TADA2A: variants seen among roughly 807,000 people sequenced by gnomAD.
TADA2A encodes the protein transcriptional adapter 2-alpha.
TADA2A carries 38 observed loss-of-function variants against 67.4 expected under a neutral mutation model. That is an observed-to-expected ratio of 0.56 (90% CI 0.44 to 0.74). TADA2A has a LOEUF of 0.74. TADA2A is among the 30% of genes least tolerant of loss of function. The probability of loss-of-function intolerance (pLI) is 0.00; values close to 1 mark genes in which losing one functional copy is unlikely to be tolerated. For synonymous variants in TADA2A, 192 were observed against 181.6 expected (o/e 1.06, Z -0.46); for missense variants, 454 against 547.0 (o/e 0.83, Z 1.70).
At chr17:37,455,173 A>G (rs950119035) in intron 8 of TADA2A, among the ~76,000 whole-genome samples, 2 of 152,160 alleles carry the variant, frequency 1.3e-5, no homozygotes, top group African/African-American at 4.8e-5. Context: ...GCAATCATTC[A>G]ATCTCAAGGT....
At chr17:37,417,217 T>C (rs7215429) in intron 2 of TADA2A, among the ~76,000 whole-genome samples, 6 of 151,480 alleles carry the variant, frequency 4.0e-5, no homozygotes, top group African/African-American at 1.2e-4. Flanking sequence ...CCGCCTCTAC[T>C]GAAAATACAA....
At chr17:37,473,527 G>A (rs2053834962) in intron 14 of TADA2A, among the ~76,000 whole-genome samples, 2 of 152,134 alleles carry the variant, frequency 1.3e-5, no homozygotes, top group Admixed American at 6.5e-5. Context: ...TTCCACCAGT[G>A]GAGCTTGTAA....
chr17:37,454,310 T>C (rs1481793181), intron 8 of TADA2A: 1 of 150,886 alleles, frequency 6.6e-6, no homozygotes, highest in Non-Finnish European at 1.5e-5. Flanking sequence ...TTTTTTTTTT[T>C]TTTTTTTTGG....
chr17:37,447,097 CAACAT>C (rs1232593361), intron 8 of TADA2A, among the ~76,000 whole-genome samples: 6 of 152,174 alleles, frequency 3.9e-5, no homozygotes, highest in Non-Finnish European at 8.8e-5. Context: ...AGCTTTAACA[CAACAT>C]AAATAATAAT....
At chr17:37,425,942 A>G (rs147902190) in intron 3 of TADA2A, among the ~76,000 whole-genome samples, 25 of 150,422 alleles carry the variant, frequency 1.7e-4, no homozygotes, top group South Asian at 4.2e-4. Context: ...CTCCAGGCCT[A>G]CTTCAGGGAC....
chr17:37,439,186 C>T (rs750038060), intron 5 of TADA2A, among the ~76,000 whole-genome samples: 19 of 152,056 alleles, frequency 1.2e-4, no homozygotes, highest in Non-Finnish European at 2.2e-4. Context: ...ACTATAACCC[C>T]GAACTCCTGG....
Position 37,465,503 on chromosome 17 carries a change from G to C in TADA2A, c.785G>C (p.Gly262Ala). 1 of 1,614,074 alleles carries C rather than the reference G, an allele frequency of 6.2e-7. No individual in the cohort carries two copies. The change falls in exon 11 of 16, where the codon GGG becomes GCG. Residue 262 changes from glycine to alanine, a missense_variant. By Grantham distance (60) the Gly-to-Ala change is moderately conservative. Around this residue, in one of 2 missense-constraint regions of TADA2A, gnomAD observed 403 missense variants for 455.5 expected, o/e 0.88. Coordinates refer to ENST00000615182, the MANE Select transcript of TADA2A (RefSeq NM_001166105.3). ...ETMRRFARIVGPVEHDKFIES... is the reference protein window; with the variant it reads ...ETMRRFARIVAPVEHDKFIES... ...ATGAGGCGATTTGCAAGAATTGTGG[G>C]GCCAGTGGAACATGACAAATTCATT...
chr17:37,449,535 G>A (rs1311759459), intron 8 of TADA2A, among the ~76,000 whole-genome samples: 1 of 152,014 alleles, frequency 6.6e-6, no homozygotes, highest in Non-Finnish European at 1.5e-5. Flanking sequence ...ACTTGCCTGA[G>A]ATCATACAGC....
intron 8 of TADA2A, among the ~76,000 whole-genome samples, chr17:37,457,889 A>C (rs2053438482): frequency 6.6e-6 from 1 of 152,162 alleles, no homozygotes; most frequent in South Asian, 2.1e-4. Flanking sequence ...GTTACATAAC[A>C]ATGTCCAAAA....
chr17:37,418,907 T>G (rs1398211528), intron 2 of TADA2A, among the ~76,000 whole-genome samples: 1 of 119,354 alleles, frequency 8.4e-6, no homozygotes, highest in Non-Finnish European at 2.0e-5. Flanking sequence ...TTTTTATTAT[T>G]TTTGGTAGAA....
rs556345943 is a variant in TADA2A, at chr17:37,473,469, T to C, written c.1073-1087T>C. 3.9e-5 allele frequency among the ~76,000 whole-genome samples: 6 copies of C among 152,340 alleles called. No homozygotes were observed. The South Asian group carries it at 1.0e-3, about 26-fold the overall frequency. On this transcript the variant is annotated intron_variant, in intron 14 of 15. Coordinates refer to ENST00000615182, the MANE Select transcript of TADA2A (RefSeq NM_001166105.3). ...TGGTTTTATCTCCCTTTTTGAGGAT[T>C]TGGAATAATCCCTTATGCCTTTTGT...
chr17:37,426,946 G>T lies in TADA2A; in HGVS notation c.133-4G>T. On this transcript the variant is annotated splice_region_variant and splice_polypyrimidine_tract_variant and intron_variant, in intron 3 of 15. Coordinates refer to ENST00000615182, the MANE Select transcript of TADA2A (RefSeq NM_001166105.3). Reference sequence around the variant, plus strand: ...TTGCTAATTTAATTTTTCTTTCTTTGCAGTGTTTCACTCGAGGCTTTGAGT... The same window carrying T: ...TTGCTAATTTAATTTTTCTTTCTTTTCAGTGTTTCACTCGAGGCTTTGAGT... 1 of 1,594,500 alleles carries T rather than the reference G, an allele frequency of 6.3e-7. No individual in the cohort carries two copies. Among genetic ancestry groups the T allele is most frequent in the African/African-American group, 1.4e-5 (1 of 73,886 alleles).
chr17:37,467,534 G>A lies in TADA2A; in HGVS notation c.895+9G>A, dbSNP rs368687741. The A allele has an allele frequency of 2.0e-5, 32 of 1,609,010 alleles. No individual in the cohort carries two copies. The African/African-American group carries it at 4.3e-4, about 21-fold the overall frequency. On this transcript the variant is annotated intron_variant, in intron 12 of 15. Transcript: ENST00000615182. ...CATTACCAATTTTTGTAGTAAGTATGCTTCAGCTACATACCGTACTTGAGG... is the reference window on the plus strand; with the variant it reads ...CATTACCAATTTTTGTAGTAAGTATACTTCAGCTACATACCGTACTTGAGG...
At chr17:37,467,096 T>C (rs971827119) in intron 11 of TADA2A, among the ~76,000 whole-genome samples, 2 of 151,950 alleles carry the variant, frequency 1.3e-5, no homozygotes, top group Non-Finnish European at 2.9e-5. Context: ...AGGTGGAGGT[T>C]GCAGTGAGCC....
At chr17:37,411,572 A>G (rs1329795154) in intron 2 of TADA2A, among the ~76,000 whole-genome samples, 182 bp downstream of exon 2, 3 of 151,984 alleles carry the variant, frequency 2.0e-5, no homozygotes, top group African/African-American at 7.3e-5. Flanking sequence ...ACAGGCGCGC[A>G]CCACCACACA....
At chr17:37,466,494 TTCA>T (rs1344035481) in intron 11 of TADA2A, among the ~76,000 whole-genome samples, 2 of 152,216 alleles carry the variant, frequency 1.3e-5, no homozygotes, top group Non-Finnish European at 2.9e-5. Context: ...TTCTGTACCT[TTCA>T]TCATGACATT....
rs550776397 is a variant in TADA2A at position 37,470,518 on chromosome 17, C to T, written c.1014C>T (p.Arg338=). The change falls in exon 13 of 16, where the codon CGC becomes CGT. Residue 338 remains arginine (R), a synonymous_variant. Transcript: ENST00000615182. ...GTAGTGCTTGCCAGCAGTGGCTCCG[C>T]CGGCAAGCTGACATGTGAGTAATTA... ...QDSSACQQWL[R]RQADIDSGLS... 16 of 1,568,332 alleles carry T rather than the reference C, an allele frequency of 1.0e-5. 1 individual carries two copies. In the South Asian group the frequency reaches 1.7e-4, roughly 16 times the overall value.
intron 8 of TADA2A, among the ~76,000 whole-genome samples, chr17:37,446,656 T>A (rs149844069): frequency 1.6e-3 from 239 of 152,066 alleles, no homozygotes; most frequent in African/African-American, 5.6e-3. Flanking sequence ...TTCCTCCTCC[T>A]CCTCCCTGCT....
At position 37,406,922 on chromosome 17, in the gene TADA2A, T is replaced by C. The variant is rs905662157; in HGVS notation, c.-125T>C. 2 of 128,808 alleles carry C rather than the reference T, an allele frequency of 1.6e-5. No individual in the cohort carries two copies. Among genetic ancestry groups the C allele is most frequent in the Non-Finnish European group, 3.3e-5 (2 of 60,892 alleles). The allele number at this position is 128,808 out of a possible 1,614,324, so 8.0% of individuals were successfully genotyped here. On this transcript the variant is annotated 5_prime_UTR_variant, in exon 1 of 16. Transcript: ENST00000615182. ...GGAGGCGCGCGCGACCGGCGGCTCT[T>C]TGGCGCGGATTAGGGGGTCTCGGCG...
Sources: allele counts gnomAD v4.1 joint callset (sites outside exome capture counted in the v4.1 genomes callset), GRCh38; gene constraint gnomAD v4.1.1; regional missense constraint gnomAD v4.1.1; transcripts MANE v1.5; gene names NCBI Gene and HGNC (gene_info 2026-07-23, HGNC 2026-07-21).